The following MRPL1 variants were observed in gnomAD, a reference collection of about 807,000 sequenced individuals.
MRPL1 encodes the protein large ribosomal subunit protein uL1m.
A neutral mutation model predicts 38.0 loss-of-function variants in MRPL1; 28 were observed. The ratio of observed to expected loss-of-function variants is 0.74; its 90% CI spans 0.55 to 1.01. The LOEUF (loss-of-function observed/expected upper bound fraction) is 1.01, where lower values mean the gene tolerates loss of function less well. MRPL1 is among the 50% of genes least tolerant of loss of function. The pLI is 0.00. For missense variants in MRPL1, 358 were observed against 389.8 expected (o/e 0.92, Z 0.69); for synonymous variants, 123 against 126.7 (o/e 0.97, Z 0.20).
chr4:77,949,758 T>C lies in MRPL1; in HGVS notation c.778-39T>C. ...CTAGAATAATTTATTATCTTCTTGCTTTCTCATCATTAATGTTATGTATAT... is the reference window on the plus strand; with the variant it reads ...CTAGAATAATTTATTATCTTCTTGCCTTCTCATCATTAATGTTATGTATAT... On this transcript the variant is annotated intron_variant, in intron 7 of 8. Coordinates refer to ENST00000315567, the MANE Select transcript of MRPL1 (RefSeq NM_020236.4). 3 of 1,303,108 alleles carry C rather than the reference T, an allele frequency of 2.3e-6. No homozygotes were observed. The South Asian group carries it at 3.8e-5, about 17-fold the overall frequency. 80.7% of individuals were successfully genotyped at this position (1,303,108 alleles called of 1,614,324 possible).
intron 7 of MRPL1, among the ~76,000 whole-genome samples, chr4:77,913,040 T>A (rs963681574): frequency 2.0e-5 from 3 of 152,044 alleles, no homozygotes; most frequent in African/African-American, 7.2e-5. Context: ...ATATAATAAT[T>A]AAGTAAAAAT....
intron 7 of MRPL1, among the ~76,000 whole-genome samples, chr4:77,913,099 A>G (rs1736327131): frequency 6.6e-6 from 1 of 152,118 alleles, no homozygotes; most frequent in Admixed American, 6.6e-5. Context: ...CTTTGAGAAG[A>G]AAAAGTTGGG....
intron 2 of MRPL1, among the ~76,000 whole-genome samples, chr4:77,873,916 C>G (rs754094885): frequency 1.3e-5 from 2 of 151,920 alleles, no homozygotes; most frequent in Non-Finnish European, 2.9e-5. Flanking sequence ...TTGTAATCGT[C>G]TGTGCATATG....
At chr4:77,874,177 G>A (rs1203287662) in intron 2 of MRPL1, among the ~76,000 whole-genome samples, 2 of 151,928 alleles carry the variant, frequency 1.3e-5, no homozygotes, top group Admixed American at 6.6e-5. Flanking sequence ...TAGTAGAGAC[G>A]GGGTTTCACT....
At chr4:77,914,921 C>T (rs1736385951) in intron 7 of MRPL1, among the ~76,000 whole-genome samples, 1 of 152,084 alleles carries the variant, frequency 6.6e-6, no homozygotes, top group African/African-American at 2.4e-5. Context: ...TTTTGTATAG[C>T]CTGTGAGCTA....
chr4:77,921,108 A>G lies in MRPL1; in HGVS notation c.777+11736A>G, dbSNP rs1342293499. Among the ~76,000 whole-genome samples, 9 of 152,168 alleles carry G rather than the reference A, an allele frequency of 5.9e-5. No individual in the cohort carries two copies. The South Asian group carries it at 1.5e-3, about 25-fold the overall frequency. Reference sequence around the variant, plus strand: ...TCAGCATATCACACCAAATCTAGTAAAAGTTAAAAAACTTTTCAGTGGTTC... The same window carrying G: ...TCAGCATATCACACCAAATCTAGTAGAAGTTAAAAAACTTTTCAGTGGTTC... On this transcript the variant is annotated intron_variant, in intron 7 of 8. Coordinates refer to ENST00000315567, the MANE Select transcript of MRPL1 (RefSeq NM_020236.4).
At chr4:77,876,745 G>C (rs1476341771) in intron 2 of MRPL1, among the ~76,000 whole-genome samples, 1 of 152,000 alleles carries the variant, frequency 6.6e-6, no homozygotes, top group Non-Finnish European at 1.5e-5. Flanking sequence ...AGCTTCTCTT[G>C]TCTGTCCTTT....
At chr4:77,871,359 C>T (rs1325157822) in intron 1 of MRPL1, among the ~76,000 whole-genome samples, 5 of 150,052 alleles carry the variant, frequency 3.3e-5, no homozygotes, top group African/African-American at 4.9e-5. Flanking sequence ...GGCTGGAGTG[C>T]GGTGGCGCTA....
intron 7 of MRPL1, among the ~76,000 whole-genome samples, chr4:77,929,649 A>G (rs1421407546): frequency 6.6e-6 from 1 of 152,156 alleles, no homozygotes; most frequent in Non-Finnish European, 1.5e-5. Context: ...TTGTCTTTAT[A>G]TGAATTTTCA....
chr4:77,918,560 A>G (rs1271889223), intron 7 of MRPL1, among the ~76,000 whole-genome samples: 1 of 152,158 alleles, frequency 6.6e-6, no homozygotes, highest in Non-Finnish European at 1.5e-5. Flanking sequence ...CTTTTGCCCC[A>G]TCCCATGGTC....
At chr4:77,887,684 C>G (rs1735714070) in intron 5 of MRPL1, among the ~76,000 whole-genome samples, 3 of 152,028 alleles carry the variant, frequency 2.0e-5, no homozygotes, top group East Asian at 1.9e-4. Flanking sequence ...TGCCACTGCA[C>G]TCGGCTAATT....
intron 7 of MRPL1, among the ~76,000 whole-genome samples, chr4:77,940,589 G>A (rs1012205997): frequency 6.6e-6 from 1 of 152,192 alleles, no homozygotes; most frequent in Admixed American, 6.5e-5. Context: ...TCAAATAGAA[G>A]TGGTGAGAGT....
In MRPL1 at chr4:77,912,466, C is replaced by G. The variant is rs1268734828; in HGVS notation, c.777+3094C>G. Among the ~76,000 whole-genome samples, 6 of 152,094 alleles carry G rather than the reference C, an allele frequency of 3.9e-5. No homozygotes were observed. In the East Asian group the frequency reaches 1.2e-3, roughly 29 times the overall value. ...CAACAAATGCCATTTGTAGTAATAG[C>G]AAATATATTAAATACTTAGGGGTAA... On this transcript the variant is annotated intron_variant, in intron 7 of 8. Transcript: ENST00000315567.
chr4:77,871,496 G>T (rs1020737746), intron 1 of MRPL1, among the ~76,000 whole-genome samples: 2 of 151,866 alleles, frequency 1.3e-5, no homozygotes, highest in African/African-American at 4.8e-5. Context: ...AGTAGAGACG[G>T]GGTTTCACCG....
At chr4:77,922,997 A>G (rs1374245703) in intron 7 of MRPL1, among the ~76,000 whole-genome samples, 7 of 152,208 alleles carry the variant, frequency 4.6e-5, no homozygotes, top group Non-Finnish European at 8.8e-5. Context: ...CTCAGTAAGT[A>G]TGATGTTTGC....
intron 1 of MRPL1, among the ~76,000 whole-genome samples, chr4:77,864,225 A>G: frequency 6.6e-6 from 1 of 151,928 alleles, no homozygotes. Flanking sequence ...GAATATTATA[A>G]TTTTCTTGTC....
At chr4:77,937,498 C>G (rs1737015408) in intron 7 of MRPL1, among the ~76,000 whole-genome samples, 1 of 152,206 alleles carries the variant, frequency 6.6e-6, no homozygotes, top group Non-Finnish European at 1.5e-5. Flanking sequence ...ACCCAAATGC[C>G]TCTACTTCCC....
At chr4:77,904,265 A>G (rs1017916773) in intron 6 of MRPL1, among the ~76,000 whole-genome samples, 2 of 151,820 alleles carry the variant, frequency 1.3e-5, no homozygotes, top group Non-Finnish European at 2.9e-5. Flanking sequence ...AAAAGGAGAA[A>G]AAGTTTGTCC....
Position 77,887,203 on chromosome 4 carries a change from T to C in MRPL1, c.487-17T>C, listed in dbSNP as rs751606413. 81 of 1,596,930 alleles carry C rather than the reference T, an allele frequency of 5.1e-5. No homozygotes were observed. Among genetic ancestry groups the C allele is most frequent in the Non-Finnish European group, 6.7e-5 (78 of 1,164,578 alleles). ...TTAAAATTAATGATTGATTTTCAAA[T>C]TATTGTGTTTTGGTAGAATGCATCA... On this transcript the variant is annotated splice_polypyrimidine_tract_variant and intron_variant, in intron 4 of 8. Coordinates refer to ENST00000315567, the MANE Select transcript of MRPL1 (RefSeq NM_020236.4).
Sources: gnomAD v4.1 joint callset for allele counts (sites outside exome capture counted in the v4.1 genomes callset) on GRCh38, gnomAD v4.1.1 for gene constraint, MANE v1.5 for transcripts, NCBI Gene and HGNC (gene_info 2026-07-23, HGNC 2026-07-21) for gene names.